Variants in TANC1 observed in about 807,000 individuals in gnomAD.
TANC1 encodes protein TANC1.
Under a neutral mutation model 149.7 loss-of-function variants are expected in TANC1, and 77 were observed. The ratio of observed to expected loss-of-function variants is 0.51; its 90% confidence interval spans 0.43 to 0.62. The LOEUF (loss-of-function observed/expected upper bound fraction) is 0.62, where lower values mean the gene tolerates loss of function less well. Ranked by LOEUF, TANC1 falls within the 20% of genes least tolerant of loss-of-function variation. TANC1 has a pLI of 0.00. For missense variants in TANC1, 1,985 were observed against 2,321.8 expected, an observed-to-expected ratio of 0.85 and a Z score of 2.98; for synonymous variants, 854 against 925.0, an observed-to-expected ratio of 0.92 and a Z score of 1.39.
intron 24 of TANC1, chr2:159,227,131 G>T (rs1322266993): frequency 2.7e-5 from 4 of 147,634 alleles, no homozygotes; most frequent in Admixed American, 2.1e-4. Flanking sequence ...GACCCAGCAG[G>T]GTTCCTGGCT....
chr2:159,028,909 A>G (rs567522620), intron 2 of TANC1, among the ~76,000 whole-genome samples: 6 of 152,174 alleles, frequency 3.9e-5, no homozygotes, highest in African/African-American at 7.2e-5. Context: ...ATGTGCTGCT[A>G]TACACAGCTA....
At chr2:159,096,798 G>T (rs887746277) in intron 3 of TANC1, among the ~76,000 whole-genome samples, 1 of 152,184 alleles carries the variant, frequency 6.6e-6, no homozygotes, top group South Asian at 2.1e-4. Flanking sequence ...GGGAACAGAC[G>T]TGAACTACTA....
At chr2:159,160,284 A>G (rs2053911387) in intron 7 of TANC1, among the ~76,000 whole-genome samples, 2 of 152,214 alleles carry the variant, frequency 1.3e-5, no homozygotes, top group Non-Finnish European at 2.9e-5. Flanking sequence ...TTATTAAGGC[A>G]ACTATAAACA....
chr2:159,136,325 C>A, intron 5 of TANC1, 27 bp downstream of exon 5: 1 of 1,290,306 alleles, frequency 7.8e-7, no homozygotes, highest in South Asian at 1.2e-5. Flanking sequence ...TTTCCTTCCC[C>A]CTCTACCAAA....
intron 1 of TANC1, among the ~76,000 whole-genome samples, chr2:158,988,251 C>T (rs558654176): frequency 2.7e-5 from 4 of 147,848 alleles, no homozygotes; most frequent in South Asian, 4.2e-4. Context: ...GCTTGAACCC[C>T]GGGAGGTGGA....
intron 3 of TANC1, among the ~76,000 whole-genome samples, chr2:159,074,540 G>A (rs1172862643): frequency 2.0e-5 from 3 of 152,130 alleles, no homozygotes; most frequent in Non-Finnish European, 4.4e-5. Context: ...TGATGATTGT[G>A]TTTTTATTTC....
intron 4 of TANC1, among the ~76,000 whole-genome samples, chr2:159,133,362 T>TC (rs754488688): frequency 0.35 from 19,130 of 54,664 alleles, 1,450 homozygotes; most frequent in East Asian, 0.61. Context: ...TTTTTTTCTC[T>TC]TTTTTTGTCT....
chr2:159,103,301 A>G (rs1574679958), intron 4 of TANC1, among the ~76,000 whole-genome samples: 2 of 95,780 alleles, frequency 2.1e-5, no homozygotes, highest in East Asian at 4.7e-4. Context: ...CTGCATTTAT[A>G]AAGAGTCTTG....
intron 13 of TANC1, among the ~76,000 whole-genome samples, chr2:159,177,153 A>G (rs983751975): frequency 2.0e-5 from 3 of 151,866 alleles, no homozygotes; most frequent in Non-Finnish European, 4.4e-5. Flanking sequence ...CAGGTGATCC[A>G]CCCACCTTGG....
intron 2 of TANC1, among the ~76,000 whole-genome samples, chr2:159,035,773 C>T (rs1456021929): frequency 6.6e-6 from 1 of 152,196 alleles, no homozygotes; most frequent in Non-Finnish European, 1.5e-5. Flanking sequence ...ATCTCTGCGA[C>T]TCTGTAATTT....
At chr2:159,136,047 T>TGTGA in intron 4 of TANC1, 147 bp from the exon 5 acceptor site, 2 of 210,232 alleles carry the variant, frequency 9.5e-6, no homozygotes, top group Non-Finnish European at 9.1e-6. Flanking sequence ...TGTGTGTGTG[T>TGTGA]GTGCGCGCGC....
At chr2:159,124,239 G>T (rs1050238416) in intron 4 of TANC1, among the ~76,000 whole-genome samples, 3 of 152,110 alleles carry the variant, frequency 2.0e-5, no homozygotes, top group Admixed American at 2.0e-4. Flanking sequence ...CTGTCTGTAG[G>T]AGGCTGAGGC....
chr2:158,969,113 C>A (rs1198722145), intron 1 of TANC1, among the ~76,000 whole-genome samples: 2 of 152,206 alleles, frequency 1.3e-5, no homozygotes, highest in Non-Finnish European at 2.9e-5. Context: ...TTGGGGCACG[C>A]TCGAGTTCTG....
chr2:159,057,729 G>C (rs1232485549), intron 2 of TANC1, among the ~76,000 whole-genome samples: 2 of 152,150 alleles, frequency 1.3e-5, no homozygotes, highest in Admixed American at 6.5e-5. Context: ...AGCAAGGCAG[G>C]GTCTGACCAT....
chr2:159,232,611 C>T lies in TANC1; in HGVS notation c.*1599C>T, dbSNP rs1053515684. On this transcript the variant is annotated 3_prime_UTR_variant, in exon 27 of 27. Coordinates refer to ENST00000263635, the MANE Select transcript of TANC1 (RefSeq NM_033394.3). ...TCTTACTCCTTTGTTAGTTTTGTTT[C>T]TGCACAACTACTGTACTTTTCCATA... 2 of 152,426 alleles carry T rather than the reference C, an allele frequency of 1.3e-5. No individual in the cohort carries two copies. Among genetic ancestry groups the T allele is most frequent in the Admixed American group, 1.3e-4 (2 of 15,256 alleles). 9.4% of individuals were successfully genotyped at this position (152,426 alleles called of 1,614,324 possible). A position where few individuals can be genotyped will look rare whatever the true frequency, so the allele number is the denominator to read the frequency against.
intron 22 of TANC1, among the ~76,000 whole-genome samples, chr2:159,221,004 T>C (rs1004678484): frequency 7.2e-5 from 11 of 152,354 alleles, no homozygotes; most frequent in Non-Finnish European, 1.6e-4. Context: ...ACCCAAATAG[T>C]ATTTCTTTTT....
At chr2:159,086,326 C>A (rs554930699) in intron 3 of TANC1, among the ~76,000 whole-genome samples, 54 of 152,124 alleles carry the variant, frequency 3.5e-4, no homozygotes, top group African/African-American at 1.3e-3. Context: ...GGGTGAGGCA[C>A]TAGATCTTGG....
At position 159,224,290 on chromosome 2, in the gene TANC1, G is replaced by A. The variant is rs375195553; in HGVS notation, c.3737G>A (p.Arg1246Gln). Residue 1246 changes from arginine (R) to glutamine (Q), a missense_variant, in exon 23 of 27, where the codon CGG becomes CAG. Around this residue, in one of 3 missense-constraint regions of TANC1, gnomAD observed 920 missense variants for 994.7 expected, o/e 0.92. Transcript: ENST00000263635. ...GAGCATGTGGACCACAGCGGGATGC[G>A]GCCCTTGGACAGAGCCATCGGCTGC... ...VIEHVDHSGM[R>Q]PLDRAIGCRN... The A allele has an allele frequency of 6.2e-7, 1 of 1,614,162 alleles. No homozygotes were observed.
intron 1 of TANC1, among the ~76,000 whole-genome samples, chr2:158,993,702 A>G (rs963796965): frequency 8.5e-5 from 13 of 152,240 alleles, no homozygotes; most frequent in South Asian, 4.2e-4. Context: ...AAGAGAAGAC[A>G]TTACCTTTTG....
Sources: allele counts gnomAD v4.1 joint callset (sites outside exome capture counted in the v4.1 genomes callset), GRCh38; gene constraint gnomAD v4.1.1; regional missense constraint gnomAD v4.1.1; transcripts MANE v1.5; gene names NCBI Gene and HGNC (gene_info 2026-07-23, HGNC 2026-07-21).